Variants in C14orf180 observed in about 807,000 individuals in gnomAD.
C14orf180 encodes the protein chromosome 14 open reading frame 180, also known as nutritionally-regulated adipose and cardiac enriched protein homolog.
Under a neutral mutation model 13.9 loss-of-function variants are expected in C14orf180, and 13 were observed. That is an observed-to-expected ratio of 0.94 (90% CI 0.61 to 1.49). The LOEUF is 1.49. C14orf180 is among the 40% of genes most tolerant of loss of function. The pLI, the probability that C14orf180 is intolerant of heterozygous loss-of-function variation, is 0.00. For synonymous variants in C14orf180, 113 were observed against 106.3 expected (o/e 1.06, Z -0.39); for missense variants, 238 against 232.0 (o/e 1.03, Z -0.17).
At chr14:104,582,162 G>A (rs1273482795) in intron 1 of C14orf180, among the ~76,000 whole-genome samples, 1 of 152,176 alleles carries the variant, frequency 6.6e-6, no homozygotes, top group East Asian at 1.9e-4. Context: ...CGGGCGGCAC[G>A]GGCCAGGCAG....
At chr14:104,583,421 A>G (rs1886505338) in intron 1 of C14orf180, among the ~76,000 whole-genome samples, 1 of 152,206 alleles carries the variant, frequency 6.6e-6, no homozygotes, top group Non-Finnish European at 1.5e-5. Flanking sequence ...GGCACAGAGC[A>G]CAGGCTTGGT....
Position 104,589,191 on chromosome 14 carries a change from G to A in C14orf180, c.*408G>A, listed in dbSNP as rs1886759887. 2.9e-6 allele frequency: 1 copy of A among 349,752 alleles called. No homozygotes were observed. The highest frequency in any genetic ancestry group is 2.1e-5 in the African/African-American group (1 of 47,296). The allele number at this position is 349,752 out of a possible 1,614,324, so 21.7% of individuals were successfully genotyped here. A position where few individuals can be genotyped will look rare whatever the true frequency, so the allele number is the denominator to read the frequency against. ...GGGGGACACACTGCCCGTGTTCAAGGGGCTGCTCGGAGGAGGCAAACCCAG... is the reference window on the plus strand; with the variant it reads ...GGGGGACACACTGCCCGTGTTCAAGAGGCTGCTCGGAGGAGGCAAACCCAG... On this transcript the variant is annotated 3_prime_UTR_variant, in exon 5 of 5. Coordinates refer to ENST00000557649, the MANE Select transcript of C14orf180 (RefSeq NM_001008404.3). The surrounding 1 kb of genome is among the most constrained non-coding windows in gnomAD (Gnocchi z 4.9).
Position 104,588,709 on chromosome 14 carries a change from GC to G in C14orf180, c.412del (p.Arg138GlyfsTer68), listed in dbSNP as rs980632939. ...PVATALEDLR[A>X]RLLGLVLHLR... ...GGCAACGGCACTGGAGGACCTGCGG[GC>G]CCGGCTCCTCGGCCTTGTCCTGCAC... On this transcript the variant is annotated frameshift_variant, in exon 5 of 5. Coordinates refer to ENST00000557649, the MANE Select transcript of C14orf180 (RefSeq NM_001008404.3). LOFTEE classifies it low-confidence loss of function (END_TRUNC). The G allele has an allele frequency of 6.5e-7, 1 of 1,535,678 alleles. No individual in the cohort carries two copies. The highest frequency in any genetic ancestry group is 2.0e-5 in the Admixed American group (1 of 50,962).
At chr14:104,583,139 G>A (rs1886494802) in intron 1 of C14orf180, among the ~76,000 whole-genome samples, 1 of 152,214 alleles carries the variant, frequency 6.6e-6, no homozygotes, top group South Asian at 2.1e-4. Context: ...TGCATCTCTG[G>A]AGAGGGGACC....
chr14:104,588,148 G>T (rs1291229758), intron 3 of C14orf180, 126 bp from the exon 4 acceptor site: 1 of 1,190,988 alleles, frequency 8.4e-7, no homozygotes. Flanking sequence ...AGGACCGGCT[G>T]GGCCTGGGTC....
chr14:104,587,715 G>T, intron 2 of C14orf180, 34 bp from the exon 3 acceptor site: 2 of 1,608,660 alleles, frequency 1.2e-6, no homozygotes, highest in East Asian at 4.5e-5. Flanking sequence ...CTCCCGCCGG[G>T]GACTCACCAG....
intron 4 of C14orf180, 127 bp downstream of exon 4, chr14:104,588,436 G>A: frequency 6.7e-7 from 1 of 1,503,472 alleles, no homozygotes; most frequent in Non-Finnish European, 9.2e-7. Flanking sequence ...GGGAGCTCTT[G>A]TTGCAAGGAG....
chr14:104,587,877 C>T lies in C14orf180; in HGVS notation c.240C>T (p.His80=). 1 of 1,602,496 alleles carries T rather than the reference C, an allele frequency of 6.2e-7. No individual in the cohort carries two copies. Residue 80 remains histidine, a splice_region_variant and synonymous_variant, in exon 3 of 5, where the codon CAC becomes CAT. Coordinates refer to ENST00000557649, the MANE Select transcript of C14orf180 (RefSeq NM_001008404.3). ...GAGAACCCCCAGCGGTGACCGTCCA[C>T]TGTAAGAGGGCACCCGCAGCAAGCA... ...WFREPPAVTV[H]YIADKNATAT...
chr14:104,585,509 G>A (rs1389669459), intron 1 of C14orf180, among the ~76,000 whole-genome samples: 1 of 152,244 alleles, frequency 6.6e-6, no homozygotes, highest in Admixed American at 6.5e-5. Flanking sequence ...GCACGAATGA[G>A]GAGAGCACAG....
chr14:104,582,830 G>A (rs56010345), intron 1 of C14orf180, among the ~76,000 whole-genome samples: 13,258 of 152,174 alleles, frequency 0.087, 806 homozygotes, highest in Middle Eastern at 0.2. Context: ...GCTATTTTCC[G>A]CCCTTTATCT....
chr14:104,584,507 A>C (rs746743787), intron 1 of C14orf180, among the ~76,000 whole-genome samples: 2 of 152,132 alleles, frequency 1.3e-5, no homozygotes, highest in Non-Finnish European at 2.9e-5. Context: ...ACAGGCAGTC[A>C]AGGTTGCCCT....
Position 104,588,945 on chromosome 14 carries a change from G to A in C14orf180, c.*162G>A. The A allele has an allele frequency of 7.2e-7, 1 of 1,379,522 alleles. No homozygotes were observed. Among genetic ancestry groups the A allele is most frequent in the Non-Finnish European group, 9.3e-7 (1 of 1,069,958 alleles). 85.5% of individuals were successfully genotyped at this position (1,379,522 alleles called of 1,614,324 possible). On this transcript the variant is annotated 3_prime_UTR_variant, in exon 5 of 5. Coordinates refer to ENST00000557649, the MANE Select transcript of C14orf180 (RefSeq NM_001008404.3). Reference sequence around the variant, plus strand: ...GGAAAAGGGGGACCCCGTGGCGTGAGATCGGACATGGGGGGCACAGCAGGC... The same window carrying A: ...GGAAAAGGGGGACCCCGTGGCGTGAAATCGGACATGGGGGGCACAGCAGGC...
Position 104,588,749 on chromosome 14 carries a change from C to T in C14orf180, c.449C>T (p.Ala150Val), listed in dbSNP as rs1214238319. The T allele has an allele frequency of 6.5e-7, 1 of 1,535,302 alleles. No homozygotes were observed. Among genetic ancestry groups the T allele is most frequent in the Non-Finnish European group, 8.7e-7 (1 of 1,146,406 alleles). Residue 150 changes from alanine (A) to valine (V), a missense_variant, in exon 5 of 5, where the codon GCC becomes GTC. Transcript: ENST00000557649. ...LGLVLHLRHV[A>V]LTCWRGLLRL Reference sequence around the variant, plus strand: ...CTTGTCCTGCACCTGCGGCACGTGGCCCTCACCTGCTGGCGCGGCCTCCTG... The same window carrying T: ...CTTGTCCTGCACCTGCGGCACGTGGTCCTCACCTGCTGGCGCGGCCTCCTG...
chr14:104,586,538 G>A lies in C14orf180; in HGVS notation c.108G>A (p.Glu36=). The A allele has an allele frequency of 6.5e-7, 1 of 1,535,690 alleles. No homozygotes were observed. Among genetic ancestry groups the A allele is most frequent in the Non-Finnish European group, 8.8e-7 (1 of 1,139,774 alleles). ...AAWGPRVCRA[E]REDNRKCPPS... ...GGGGCCCGCGGGTGTGCAGGGCAGAGAGGGTAAGGCGGGCCGCTGGGACAC... is the reference window on the plus strand; with the variant it reads ...GGGGCCCGCGGGTGTGCAGGGCAGAAAGGGTAAGGCGGGCCGCTGGGACAC... Residue 36 remains glutamate, a synonymous_variant, in exon 2 of 5, where the codon GAG becomes GAA. Coordinates refer to ENST00000557649, the MANE Select transcript of C14orf180 (RefSeq NM_001008404.3).
Position 104,588,750 on chromosome 14 carries a change from C to T in C14orf180, c.450C>T (p.Ala150=), listed in dbSNP as rs1194825888. ...TTGTCCTGCACCTGCGGCACGTGGC[C>T]CTCACCTGCTGGCGCGGCCTCCTGC... is the stretch of plus-strand genomic sequence containing the variant. ...LGLVLHLRHV[A]LTCWRGLLRL Residue 150 remains alanine, a synonymous_variant, in exon 5 of 5, where the codon GCC becomes GCT. Transcript: ENST00000557649. The T allele has an allele frequency of 2.0e-6, 3 of 1,535,392 alleles. No homozygotes were observed. Among genetic ancestry groups the T allele is most frequent in the South Asian group, 2.4e-5 (2 of 83,954 alleles).
chr14:104,587,879 G>C lies in C14orf180; in HGVS notation c.241+1G>C. On this transcript the variant is annotated splice_donor_variant, in intron 3 of 4. Transcript: ENST00000557649. LOFTEE classifies it high-confidence loss of function. Reference sequence around the variant, plus strand: ...GAACCCCCAGCGGTGACCGTCCACTGTAAGAGGGCACCCGCAGCAAGCAGC... The same window carrying C: ...GAACCCCCAGCGGTGACCGTCCACTCTAAGAGGGCACCCGCAGCAAGCAGC... 6.2e-7 allele frequency: 1 copy of C among 1,601,790 alleles called. No homozygotes were observed. Among genetic ancestry groups the C allele is most frequent in the Non-Finnish European group, 8.5e-7 (1 of 1,173,272 alleles).
At position 104,588,784 on chromosome 14, in the gene C14orf180, CGGGCAG is replaced by C. The variant is rs1566738271; in HGVS notation, c.*3_*8del. ...CTGGCGCGGCCTCCTGCGGCTCTGA[CGGGCAG>C]GACGGGCAGGACGGGCAGGGCTTCC... is the stretch of plus-strand genomic sequence containing the variant. On this transcript the variant is annotated 3_prime_UTR_variant, in exon 5 of 5. Coordinates refer to ENST00000557649, the MANE Select transcript of C14orf180 (RefSeq NM_001008404.3). 2.1e-6 allele frequency: 1 copy of C among 486,700 alleles called. No individual in the cohort carries two copies. The highest frequency in any genetic ancestry group is 2.5e-6 in the Non-Finnish European group (1 of 398,610). 30.1% of individuals were successfully genotyped at this position (486,700 alleles called of 1,614,324 possible).
chr14:104,587,878 T>C lies in C14orf180; in HGVS notation c.241T>C (p.Tyr81His). 6.2e-7 allele frequency: 1 copy of C among 1,601,530 alleles called. No homozygotes were observed. ...AGAACCCCCAGCGGTGACCGTCCAC[T>C]GTAAGAGGGCACCCGCAGCAAGCAG... is the stretch of plus-strand genomic sequence containing the variant. The part of the protein sequence containing the change: ...FREPPAVTVH[Y>H]IADKNATATV... Residue 81 changes from tyrosine (Y) to histidine (H), a missense_variant and splice_region_variant, in exon 3 of 5, where the codon TAC (tyrosine) becomes CAC (histidine). Physicochemically the swap from Tyr to His is moderately conservative, Grantham distance 83. Transcript: ENST00000557649.
intron 1 of C14orf180, among the ~76,000 whole-genome samples, chr14:104,585,256 G>A (rs920583782): frequency 1.3e-5 from 2 of 152,216 alleles, no homozygotes; most frequent in Non-Finnish European, 2.9e-5. Flanking sequence ...GCTGGGAGCA[G>A]GGCAGGGAGG....
Sources: gnomAD v4.1 joint callset for allele counts (sites outside exome capture counted in the v4.1 genomes callset) on GRCh38, gnomAD v4.1.1 for gene constraint, Gnocchi (gnomAD v3.1) non-coding constraint, MANE v1.5 for transcripts, NCBI Gene and HGNC (gene_info 2026-07-23, HGNC 2026-07-21) for gene names.